Variants in KLHL7 observed in about 807,000 individuals in gnomAD.
KLHL7 encodes kelch-like protein 7.
KLHL7 carries 44 observed loss-of-function variants against 67.4 expected under a neutral mutation model. The observed-to-expected ratio is 0.65, with a 90% CI of 0.51 to 0.84. The LOEUF (loss-of-function observed/expected upper bound fraction) is 0.84, where lower values mean the gene tolerates loss of function less well. KLHL7 is among the 40% of genes least tolerant of loss of function. The pLI is 0.00. For missense variants in KLHL7, 362 were observed against 718.1 expected (o/e 0.50, Z 5.67); for synonymous variants, 252 against 243.3 (o/e 1.04, Z -0.33).
intron 1 of KLHL7, among the ~76,000 whole-genome samples, chr7:23,115,976 T>C (rs1266260918): frequency 6.6e-6 from 1 of 152,228 alleles, no homozygotes; most frequent in Non-Finnish European, 1.5e-5. Flanking sequence ...TTGATATCTT[T>C]TTTGAACCCT....
rs2128454624 is a variant in KLHL7 at position 23,106,109 on chromosome 7, C to T, written c.83C>T (p.Ala28Val). The T allele has an allele frequency of 1.9e-6, 3 of 1,609,514 alleles. No homozygotes were observed. Among genetic ancestry groups the T allele is most frequent in the Admixed American group, 1.7e-5 (1 of 59,164 alleles). The change falls in exon 1 of 11, where the codon GCG (alanine) becomes GTG (valine). Residue 28 changes from alanine (A) to valine (V), a missense_variant. Coordinates refer to ENST00000339077, the MANE Select transcript of KLHL7 (RefSeq NM_001031710.3). ...LAAREEAKLL[A>V]GFMGVMNNMR... ...GCTCGGGAAGAAGCTAAATTGTTGG[C>T]GGGTTTCATGGGCGTCATGAATAAC...
chr7:23,126,410 T>A (rs909983522), intron 4 of KLHL7, among the ~76,000 whole-genome samples: 1 of 152,180 alleles, frequency 6.6e-6, no homozygotes, highest in Non-Finnish European at 1.5e-5. Flanking sequence ...ATTCAGAGGC[T>A]TTAAAGAAAG....
intron 1 of KLHL7, among the ~76,000 whole-genome samples, chr7:23,119,144 G>A (rs1562554555): frequency 6.6e-6 from 1 of 152,162 alleles, no homozygotes; most frequent in Non-Finnish European, 1.5e-5. Context: ...TCTACACACA[G>A]TTACCCCTAT....
At chr7:23,124,328 T>C (rs1783481331) in intron 2 of KLHL7, among the ~76,000 whole-genome samples, 1 of 150,988 alleles carries the variant, frequency 6.6e-6, no homozygotes, top group African/African-American at 2.4e-5. Context: ...AGCTGTAGCA[T>C]ATTGTGCCAG....
chr7:23,175,031 C>A lies in KLHL7; in HGVS notation c.*733C>A. Reference sequence around the variant, plus strand: ...AAAAGGATTCTGCCTCTTTAGTCCTCACTGTTAAATAAAACCCAATCATAG... The same window carrying A: ...AAAAGGATTCTGCCTCTTTAGTCCTAACTGTTAAATAAAACCCAATCATAG... On this transcript the variant is annotated 3_prime_UTR_variant, in exon 11 of 11. Transcript: ENST00000339077. The A allele has an allele frequency of 2.2e-6, 1 of 452,398 alleles. No homozygotes were observed. The highest frequency in any genetic ancestry group is 1.6e-5 in the South Asian group (1 of 64,184). The allele number at this position is 452,398 out of a possible 1,614,324, so 28.0% of individuals were successfully genotyped here.
intron 4 of KLHL7, among the ~76,000 whole-genome samples, chr7:23,128,038 G>A (rs1288659732): frequency 6.6e-6 from 1 of 151,480 alleles, no homozygotes; most frequent in East Asian, 1.9e-4. Flanking sequence ...GCTGAAGCGG[G>A]AAAATCGCTT....
At chr7:23,112,431 T>A (rs1782913834) in intron 1 of KLHL7, among the ~76,000 whole-genome samples, 1 of 152,242 alleles carries the variant, frequency 6.6e-6, no homozygotes, top group African/African-American at 2.4e-5. Flanking sequence ...ATATAGAAGA[T>A]AACTTCTTCA....
chr7:23,172,810 C>A, intron 9 of KLHL7, 138 bp from the exon 10 acceptor site: 1 of 677,200 alleles, frequency 1.5e-6, no homozygotes, highest in Non-Finnish European at 2.7e-6. Context: ...GTTTTCTACC[C>A]TTCTAGACAT....
chr7:23,157,487 C>G (rs1784741434), intron 7 of KLHL7, among the ~76,000 whole-genome samples: 1 of 152,202 alleles, frequency 6.6e-6, no homozygotes, highest in Non-Finnish European at 1.5e-5. Flanking sequence ...CTCCCTGATT[C>G]TTTGAAGGCA....
chr7:23,143,901 GC>G lies in KLHL7; in HGVS notation c.671del (p.Pro224HisfsTer20). The G allele has an allele frequency of 6.2e-7, 1 of 1,614,148 alleles. No homozygotes were observed. Among genetic ancestry groups the G allele is most frequent in the Non-Finnish European group, 8.5e-7 (1 of 1,179,998 alleles). Reference sequence around the variant, plus strand: ...TGAAATACGATGAACCTAATCGCCAGCCATTTATGGTTGATATCCTTGCTAA... The same window carrying G: ...TGAAATACGATGAACCTAATCGCCAGCATTTATGGTTGATATCCTTGCTAA... ...WLKYDEPNRQ[P>X]FMVDILAKVR... On this transcript the variant is annotated frameshift_variant, in exon 6 of 11. Transcript: ENST00000339077. LOFTEE classifies it high-confidence loss of function.
intron 4 of KLHL7, among the ~76,000 whole-genome samples, chr7:23,134,673 A>G (rs1017976968): frequency 6.6e-6 from 1 of 152,120 alleles, no homozygotes; most frequent in African/African-American, 2.4e-5. Flanking sequence ...TTCCTGATTC[A>G]ATCTTGGTAG....
intron 1 of KLHL7, chr7:23,117,958 T>G (rs1436718867): frequency 6.2e-7 from 1 of 1,614,058 alleles, no homozygotes; most frequent in African/African-American, 1.3e-5. Flanking sequence ...GCCACATAAA[T>G]CTAAAGGTTA....
intron 4 of KLHL7, among the ~76,000 whole-genome samples, chr7:23,132,066 T>TAG (rs913975501): frequency 6.6e-6 from 1 of 152,230 alleles, no homozygotes. Flanking sequence ...GATGGACACT[T>TAG]ACGTTGCTTC....
At chr7:23,117,118 C>T (rs919581785) in intron 1 of KLHL7, among the ~76,000 whole-genome samples, 18 of 93,004 alleles carry the variant, frequency 1.9e-4, no homozygotes, top group Admixed American at 1.4e-4. Context: ...GATCAAGTCT[C>T]GCTCTGTCAC....
chr7:23,136,647 G>A (rs752943174), intron 4 of KLHL7, among the ~76,000 whole-genome samples: 13 of 152,138 alleles, frequency 8.5e-5, no homozygotes, highest in African/African-American at 1.9e-4. Flanking sequence ...CACAGGCCAC[G>A]TCCCCTGATT....
chr7:23,143,724 T>C lies in KLHL7; in HGVS notation c.619-127T>C, dbSNP rs1485585234. 1.1e-5 allele frequency: 11 copies of C among 967,854 alleles called. No individual in the cohort carries two copies. In the African/African-American group the frequency reaches 1.4e-4, roughly 13 times the overall value. The allele number at this position is 967,854 out of a possible 1,614,324, so 60.0% of individuals were successfully genotyped here. On this transcript the variant is annotated intron_variant, in intron 5 of 10. Transcript: ENST00000339077. The stretch of plus-strand genomic sequence containing the variant: ...TGAAGAACCAGCAAGTGTCCAGGGA[T>C]GAAAAATACTAGAAATAAGTGGTTA...
intron 1 of KLHL7, among the ~76,000 whole-genome samples, chr7:23,121,339 TAC>T (rs543688616): frequency 7.9e-5 from 12 of 152,054 alleles, no homozygotes; most frequent in Non-Finnish European, 1.3e-4. Context: ...ATCACTGGAG[TAC>T]AGTGATGCAA....
At chr7:23,167,768 A>G in intron 8 of KLHL7, 68 bp from the exon 9 acceptor site, 1 of 1,380,130 alleles carries the variant, frequency 7.2e-7, no homozygotes, top group Non-Finnish European at 1.0e-6. Context: ...AATAAGATCT[A>G]CAGTCAGTTC....
chr7:23,173,925 T>C, intron 10 of KLHL7, 90 bp from the exon 11 acceptor site: 2 of 1,318,296 alleles, frequency 1.5e-6, no homozygotes, highest in Non-Finnish European at 2.2e-6. Flanking sequence ...CACAATAAAA[T>C]ATTGGAAAAA....
Sources: allele counts gnomAD v4.1 joint callset (sites outside exome capture counted in the v4.1 genomes callset), GRCh38; gene constraint gnomAD v4.1.1; transcripts MANE v1.5; gene names NCBI Gene and HGNC (gene_info 2026-07-23, HGNC 2026-07-21).